PAK5: variants seen among roughly 807,000 people sequenced by gnomAD.
The protein encoded by PAK5 is p21 (RAC1) activated kinase 5.
PAK5 carries 16 observed loss-of-function variants against 65.9 expected under a neutral mutation model. The observed-to-expected ratio is 0.24, with a 90% CI of 0.16 to 0.37. The LOEUF is 0.37. PAK5 is among the 10% of genes least tolerant of loss of function. PAK5 has a pLI of 1.00. For missense variants in PAK5, 785 were observed against 903.9 expected (o/e 0.87, Z 1.69); for synonymous variants, 371 against 354.9 (o/e 1.05, Z -0.51).
At chr20:9,749,916 T>C (rs1408645886) in intron 1 of PAK5, among the ~76,000 whole-genome samples, 1 of 152,182 alleles carries the variant, frequency 6.6e-6, no homozygotes. Flanking sequence ...GCACACGTCC[T>C]CAGGCCAGAT....
Position 9,665,091 on chromosome 20 carries a change from T to TTTTTTTTG in PAK5, c.-11-20753_-11-20752insCAAAAAAA, listed in dbSNP as rs1359348546. ...TGCCCAGCTAAATTTTTCTGTTTTT[T>TTTTTTTTG]TTTTTTTTTGTAGTGATGAAGTTTC... On this transcript the variant is annotated intron_variant, in intron 2 of 9. Coordinates refer to ENST00000353224, the MANE Select transcript of PAK5 (RefSeq NM_177990.4). Among the ~76,000 whole-genome samples the TTTTTTTTG allele has an allele frequency of 1.0e-3, 142 of 142,034 alleles. 11 individuals carry two copies. The highest frequency in any genetic ancestry group is 3.3e-3 in the African/African-American group (126 of 37,686). The allele number at this position is 142,034 out of a possible 152,430, so 93.2% of individuals were successfully genotyped here.
chr20:9,788,263 C>G (rs2049014323), intron 1 of PAK5, among the ~76,000 whole-genome samples: 1 of 151,942 alleles, frequency 6.6e-6, no homozygotes, highest in South Asian at 2.1e-4. Context: ...AGTAACAAGG[C>G]AAGAACCTAT....
At chr20:9,815,691 C>T (rs2050107) in intron 1 of PAK5, among the ~76,000 whole-genome samples, 28,360 of 152,072 alleles carry the variant, frequency 0.19, 3,372 homozygotes, top group Non-Finnish European at 0.26. Context: ...AGTGGTCTAC[C>T]ATAGCAATTC....
At chr20:9,657,471 AT>A (rs1184012024) in intron 2 of PAK5, among the ~76,000 whole-genome samples, 1 of 152,134 alleles carries the variant, frequency 6.6e-6, no homozygotes, top group African/African-American at 2.4e-5. Context: ...TGTACAGGTT[AT>A]TTTTTTGATC....
intron 3 of PAK5, among the ~76,000 whole-genome samples, chr20:9,601,469 T>G (rs1395702822): frequency 7.9e-5 from 12 of 152,204 alleles, no homozygotes; most frequent in Admixed American, 6.5e-4. Context: ...CTAGGAGACT[T>G]ATATTATTAT....
chr20:9,771,419 T>C (rs1008309764), intron 1 of PAK5, among the ~76,000 whole-genome samples: 1 of 151,554 alleles, frequency 6.6e-6, no homozygotes, highest in African/African-American at 2.4e-5. Flanking sequence ...AAATTTTTTT[T>C]TTTTTCTGAG....
intron 2 of PAK5, among the ~76,000 whole-genome samples, chr20:9,699,563 T>G (rs1344147467): frequency 6.6e-6 from 1 of 151,400 alleles, no homozygotes; most frequent in African/African-American, 2.4e-5. Flanking sequence ...GTTTTTTTTT[T>G]TTTTTTTTTT....
intron 1 of PAK5, among the ~76,000 whole-genome samples, chr20:9,761,359 G>T (rs1196452389): frequency 6.6e-6 from 1 of 152,068 alleles, no homozygotes; most frequent in Non-Finnish European, 1.5e-5. Flanking sequence ...ACAAAAAACT[G>T]TAGAACACTG....
At chr20:9,759,627 C>A (rs1207072425) in intron 1 of PAK5, among the ~76,000 whole-genome samples, 1 of 152,130 alleles carries the variant, frequency 6.6e-6, no homozygotes. Context: ...CTGCCCTGAA[C>A]AAAGTTACAT....
chr20:9,692,281 G>A (rs148464577), intron 2 of PAK5, among the ~76,000 whole-genome samples: 7 of 152,228 alleles, frequency 4.6e-5, no homozygotes, highest in Admixed American at 1.3e-4. Flanking sequence ...GCAATAAGAA[G>A]GTTAAAGATG....
In PAK5 at chr20:9,722,647, G is replaced by T. The variant is rs191050869; in HGVS notation, c.-161-11212C>A. On this transcript the variant is annotated intron_variant, in intron 1 of 9. Transcript: ENST00000353224. ...AATAAATAAATTAATTTTTAAAAAGGCAAGGTAAGTAGCCAGTGACCAGAC... is the reference window on the plus strand; with the variant it reads ...AATAAATAAATTAATTTTTAAAAAGTCAAGGTAAGTAGCCAGTGACCAGAC... 3.3e-5 allele frequency among the ~76,000 whole-genome samples: 5 copies of T among 152,120 alleles called. No homozygotes were observed. In the East Asian group the frequency reaches 7.7e-4, roughly 24 times the overall value.
intron 2 of PAK5, among the ~76,000 whole-genome samples, chr20:9,673,225 A>G (rs764096006): frequency 6.6e-6 from 1 of 152,218 alleles, no homozygotes; most frequent in Non-Finnish European, 1.5e-5. Context: ...ATGTGTTTCC[A>G]GGAAAGGGAT....
At chr20:9,642,272 A>G (rs1374272681) in intron 3 of PAK5, among the ~76,000 whole-genome samples, 1 of 152,236 alleles carries the variant, frequency 6.6e-6, no homozygotes, top group Non-Finnish European at 1.5e-5. Context: ...AGTCCCACCA[A>G]CAATGTGAAA....
intron 1 of PAK5, among the ~76,000 whole-genome samples, chr20:9,784,958 A>G (rs1283304748): frequency 6.6e-6 from 1 of 152,040 alleles, no homozygotes; most frequent in Non-Finnish European, 1.5e-5. Context: ...TCAAAGGAAG[A>G]CATTTCCTTT....
Position 9,768,201 on chromosome 20 carries a change from T to A in PAK5, c.-161-56766A>T, listed in dbSNP as rs183322319. The stretch of plus-strand genomic sequence containing the variant: ...TTATACCAGGGTCTTCACTTTTTTT[T>A]AATCTAATTTCAACTTTTATTTTAG... On this transcript the variant is annotated intron_variant, in intron 1 of 9. Transcript: ENST00000353224. Among the ~76,000 whole-genome samples the A allele has an allele frequency of 2.6e-5, 4 of 152,244 alleles. No individual in the cohort carries two copies. The East Asian group carries it at 7.7e-4, about 29-fold the overall frequency.
intron 1 of PAK5, among the ~76,000 whole-genome samples, chr20:9,812,596 G>T (rs1047092152): frequency 2.0e-5 from 3 of 152,128 alleles, no homozygotes; most frequent in African/African-American, 7.2e-5. Context: ...ACACCCAAGG[G>T]AAGTAGAGGG....
intron 2 of PAK5, among the ~76,000 whole-genome samples, chr20:9,708,219 C>T (rs1168193200): frequency 1.3e-5 from 2 of 152,116 alleles, no homozygotes; most frequent in South Asian, 2.1e-4. Context: ...ACACTGTTGC[C>T]TAAGCCAAGG....
At chr20:9,545,312 A>G (rs1394897377) in intron 7 of PAK5, among the ~76,000 whole-genome samples, 2 of 152,168 alleles carry the variant, frequency 1.3e-5, no homozygotes, top group African/African-American at 2.4e-5. Context: ...CTGCTGGTTT[A>G]TGAATTCTAG....
At chr20:9,629,835 AT>A (rs1244165023) in intron 3 of PAK5, among the ~76,000 whole-genome samples, 1 of 152,164 alleles carries the variant, frequency 6.6e-6, no homozygotes, top group Non-Finnish European at 1.5e-5. Flanking sequence ...GGCTGGGGGA[AT>A]TTTGAGGAAC....
Sources: gnomAD v4.1 joint callset for allele counts (sites outside exome capture counted in the v4.1 genomes callset) on GRCh38, gnomAD v4.1.1 for gene constraint, MANE v1.5 for transcripts, NCBI Gene and HGNC (gene_info 2026-07-23, HGNC 2026-07-21) for gene names.